RNF111: variants seen among roughly 807,000 people sequenced by gnomAD.
RNF111 encodes ring finger protein 111.
A neutral mutation model predicts 95.1 loss-of-function variants in RNF111; 17 were observed. The observed-to-expected ratio is 0.18, with a 90% CI of 0.12 to 0.27. RNF111 has a LOEUF of 0.27. RNF111 is among the 10% of genes least tolerant of loss of function. The pLI is 1.00. For missense variants in RNF111, 1,189 were observed against 1,210.4 expected, an observed-to-expected ratio of 0.98 and a Z score of 0.26; for synonymous variants, 440 against 414.8, an observed-to-expected ratio of 1.06 and a Z score of -0.74.
In RNF111 at chr15:59,007,566, A is replaced by G. The variant is rs1008471567; in HGVS notation, c.-20+19498A>G. On this transcript the variant is annotated intron_variant, in intron 1 of 13. Coordinates refer to ENST00000348370, the MANE Select transcript of RNF111 (RefSeq NM_017610.8). ...TGTATTCACGTTTTCCAACTTAGGC[A>G]TGGAATTACTGGATCATACGTTAGA... Among the ~76,000 whole-genome samples, 3 of 152,222 alleles carry G rather than the reference A, an allele frequency of 2.0e-5. No homozygotes were observed. In the South Asian group the frequency reaches 6.2e-4, roughly 32 times the overall value.
chr15:59,049,127 C>A (rs1207721611), intron 2 of RNF111, among the ~76,000 whole-genome samples: 1 of 152,140 alleles, frequency 6.6e-6, no homozygotes, highest in Non-Finnish European at 1.5e-5. Context: ...TGAAACAGAT[C>A]TCCAGAACTT....
In RNF111 at chr15:58,987,848, C is replaced by G. The variant is rs2038633108; in HGVS notation, c.-240C>G. ...GTGGGACCAAATTAGGCATTCTGAA[C>G]CCACGCCGGCTTAGCTGGGCCGAGT... On this transcript the variant is annotated 5_prime_UTR_variant, in exon 1 of 14. Transcript: ENST00000348370. The G allele has an allele frequency of 6.5e-6, 1 of 154,216 alleles. No individual in the cohort carries two copies. The highest frequency in any genetic ancestry group is 2.4e-5 in the African/African-American group (1 of 41,472). 9.6% of individuals were successfully genotyped at this position (154,216 alleles called of 1,614,324 possible).
chr15:59,032,053 G>A (rs1011607006), intron 2 of RNF111, among the ~76,000 whole-genome samples: 1 of 151,738 alleles, frequency 6.6e-6, no homozygotes, highest in East Asian at 1.9e-4. Flanking sequence ...ATTCTCCTGC[G>A]TCAGCCTCCC....
At chr15:59,036,956 T>G (rs1405398776) in intron 2 of RNF111, among the ~76,000 whole-genome samples, 1 of 151,792 alleles carries the variant, frequency 6.6e-6, no homozygotes, top group Non-Finnish European at 1.5e-5. Context: ...TCAGCCTCCC[T>G]AGTAGCTGGC....
intron 1 of RNF111, among the ~76,000 whole-genome samples, chr15:59,000,352 C>T (rs1178498715): frequency 4.0e-5 from 6 of 151,708 alleles, no homozygotes; most frequent in South Asian, 2.1e-4. Flanking sequence ...TTAGTAGAGA[C>T]GGGTTTCACC....
chr15:59,033,567 G>A (rs1290241498), intron 2 of RNF111, among the ~76,000 whole-genome samples: 1 of 152,178 alleles, frequency 6.6e-6, no homozygotes, highest in African/African-American at 2.4e-5. Context: ...TTGGGAGTGA[G>A]TACAGCAGAG....
intron 1 of RNF111, among the ~76,000 whole-genome samples, chr15:58,997,362 T>A (rs912027122): frequency 1.3e-5 from 2 of 152,174 alleles, no homozygotes; most frequent in African/African-American, 2.4e-5. Context: ...CAAGTTCTCA[T>A]TTTCTATGTA....
chr15:59,011,957 A>G (rs1445318262), intron 1 of RNF111, among the ~76,000 whole-genome samples: 1 of 146,590 alleles, frequency 6.8e-6, no homozygotes, highest in East Asian at 2.0e-4. Flanking sequence ...CCTAGCTTAT[A>G]TAAGAATAAG....
intron 6 of RNF111, 66 bp downstream of exon 6, chr15:59,067,149 C>T (rs1423267289): frequency 9.1e-6 from 12 of 1,319,410 alleles, no homozygotes; most frequent in Non-Finnish European, 4.3e-6. Flanking sequence ...CTCCTTCTCC[C>T]TTTTCTCTCT....
intron 1 of RNF111, among the ~76,000 whole-genome samples, chr15:59,021,117 G>A (rs1420627142): frequency 6.6e-6 from 1 of 151,936 alleles, no homozygotes; most frequent in African/African-American, 2.4e-5. Context: ...ATGCCTCTGT[G>A]TCCTCATAGG....
At chr15:59,021,608 C>A (rs868473580) in intron 1 of RNF111, among the ~76,000 whole-genome samples, 4 of 152,204 alleles carry the variant, frequency 2.6e-5, no homozygotes, top group South Asian at 2.1e-4. Flanking sequence ...TTAACCGTTA[C>A]GGAATTTTAT....
intron 2 of RNF111, among the ~76,000 whole-genome samples, chr15:59,033,712 A>G (rs1169919730): frequency 2.6e-5 from 4 of 152,354 alleles, no homozygotes; most frequent in Admixed American, 2.0e-4. Context: ...TATAGCCTCA[A>G]GTATTAAAGA....
intron 1 of RNF111, among the ~76,000 whole-genome samples, chr15:59,014,712 G>A (rs149776417): frequency 1.3e-5 from 2 of 151,622 alleles, no homozygotes; most frequent in East Asian, 1.9e-4. Context: ...AAACTGCCAT[G>A]AACAAAGAGG....
chr15:59,036,354 C>T (rs2041177987), intron 2 of RNF111, among the ~76,000 whole-genome samples: 1 of 152,098 alleles, frequency 6.6e-6, no homozygotes, highest in African/African-American at 2.4e-5. Flanking sequence ...AGCCACCGCA[C>T]CCGGCCAAGA....
At chr15:59,051,795 AAATAAATAAATGAAT>A (rs1241802757) in intron 2 of RNF111, among the ~76,000 whole-genome samples, 11 of 151,792 alleles carry the variant, frequency 7.2e-5, no homozygotes, top group African/African-American at 2.7e-4. Flanking sequence ...ATAAATAAAT[AAATAAATAAATGAAT>A]AAATAAACAA....
chr15:58,995,846 C>T (rs1050949733), intron 1 of RNF111, among the ~76,000 whole-genome samples: 1 of 138,764 alleles, frequency 7.2e-6, no homozygotes, highest in Non-Finnish European at 1.5e-5. Flanking sequence ...TATTTCTTTC[C>T]TTTGTCAGTC....
chr15:59,049,692 A>T (rs1286222495), intron 2 of RNF111: 2 of 160,062 alleles, frequency 1.2e-5, no homozygotes, highest in African/African-American at 4.9e-5. Flanking sequence ...TTGCCATGGT[A>T]ATATTTGTGG....
rs757766930 is a variant in RNF111 at position 59,003,421 on chromosome 15, C to CA, written c.-20+15354dup. Among the ~76,000 whole-genome samples, 5 of 151,962 alleles carry CA rather than the reference C, an allele frequency of 3.3e-5. No homozygotes were observed. The East Asian group carries it at 7.7e-4, about 23-fold the overall frequency. On this transcript the variant is annotated intron_variant, in intron 1 of 13. Transcript: ENST00000348370. ...CACCCGGCCTTTTTCTTTTTTGAGA[C>CA]AGAGTCTGGCTCTGTTGCTCAGACT... is the stretch of plus-strand genomic sequence containing the variant.
intron 2 of RNF111, among the ~76,000 whole-genome samples, chr15:59,034,687 G>T (rs918589427): frequency 6.6e-6 from 1 of 152,136 alleles, no homozygotes; most frequent in African/African-American, 2.4e-5. Context: ...TAGGAGATAG[G>T]TTATTTCCTA....
Sources: gnomAD v4.1 joint callset for allele counts (sites outside exome capture counted in the v4.1 genomes callset) on GRCh38, gnomAD v4.1.1 for gene constraint, MANE v1.5 for transcripts, NCBI Gene and HGNC (gene_info 2026-07-23, HGNC 2026-07-21) for gene names.